NBPF26: variants seen among roughly 807,000 people sequenced by gnomAD.
NBPF26 encodes the protein NBPF member 26.
In NBPF26, 79 loss-of-function variants were observed where a neutral mutation model predicts 119.6. The observed-to-expected ratio is 0.66, with a 90% CI of 0.55 to 0.80. NBPF26 has a LOEUF of 0.80. NBPF26 is among the 30% of genes least tolerant of loss of function. NBPF26 has a pLI of 0.00. For missense variants in NBPF26, 800 were observed against 1,198.2 expected, an observed-to-expected ratio of 0.67 and a Z score of 4.91; for synonymous variants, 299 against 457.7, an observed-to-expected ratio of 0.65 and a Z score of 4.43.
intron 1 of NBPF26, among the ~76,000 whole-genome samples, chr1:120,752,673 C>T (rs1205334207): frequency 2.1e-5 from 1 of 46,538 alleles, no homozygotes; most frequent in African/African-American, 2.4e-4. Flanking sequence ...CGGGTTCATG[C>T]CATTCTCCTG....
chr1:120,805,591 A>C, exon 5 of NBPF26: 1 of 1,458,710 alleles, frequency 6.9e-7, no homozygotes, highest in Non-Finnish European at 9.3e-7. Context: ...AAACGTCAGC[A>C]TGGTGGTATC....
chr1:120,815,423 A>T lies in NBPF26; in HGVS notation c.2092+380A>T, dbSNP rs1330208240. ...CTTAGTAACTGTCAGAGAGTGAATGACTTGTCCTTCCTGAGTTTCTCTCTC... is the reference window on the plus strand; with the variant it reads ...CTTAGTAACTGTCAGAGAGTGAATGTCTTGTCCTTCCTGAGTTTCTCTCTC... On this transcript the variant is annotated intron_variant, in intron 12 of 29. Coordinates refer to ENST00000620612, the Ensembl canonical transcript of NBPF26. 1.8e-5 allele frequency among the ~76,000 whole-genome samples: 2 copies of T among 111,418 alleles called. 1 individual carries two copies. The highest frequency in any genetic ancestry group is 1.1e-4 in the African/African-American group (2 of 17,728). The allele number at this position is 111,418 out of a possible 152,430, so 73.1% of individuals were successfully genotyped here.
At chr1:120,728,531 C>G (rs1650840143) in intron 1 of NBPF26, among the ~76,000 whole-genome samples, 4 of 117,222 alleles carry the variant, frequency 3.4e-5, no homozygotes, top group Admixed American at 3.3e-4. Context: ...TTCAAAGGCA[C>G]TGCCATCCAC....
At position 120,756,623 on chromosome 1, in the gene NBPF26, G is replaced by C. The variant is rs1237438442; in HGVS notation, c.74-7005G>C. On this transcript the variant is annotated intron_variant, in intron 1 of 29. Transcript: ENST00000620612. The stretch of plus-strand genomic sequence containing the variant: ...ATGCAACAAGTAAAACACATTGAAG[G>C]CTTCTCAGATTACACTGGCTGAAGT... 2.5e-5 allele frequency among the ~76,000 whole-genome samples: 3 copies of C among 117,926 alleles called. 1 individual carries two copies. The East Asian group carries it at 6.3e-4, about 25-fold the overall frequency. 77.4% of individuals were successfully genotyped at this position (117,926 alleles called of 152,430 possible).
chr1:120,733,065 G>A (rs1400608597), intron 1 of NBPF26, among the ~76,000 whole-genome samples: 3 of 59,558 alleles, frequency 5.0e-5, no homozygotes, highest in Non-Finnish European at 8.3e-5. Flanking sequence ...TTTGGTATAC[G>A]TCTTTGGTTT....
At chr1:120,830,219 T>G (rs1194336993) in intron 19 of NBPF26, among the ~76,000 whole-genome samples, 197 bp from the exon 24 acceptor site, 1 of 121,694 alleles carries the variant, frequency 8.2e-6, no homozygotes, top group Non-Finnish European at 1.6e-5. Context: ...TCTCTCTGCC[T>G]CTCCCTGTCT....
intron 15 of NBPF26, among the ~76,000 whole-genome samples, chr1:120,819,232 G>A (rs1223040093): frequency 1.7e-5 from 2 of 120,370 alleles, no homozygotes; most frequent in East Asian, 2.0e-4. Flanking sequence ...CCATTATGTA[G>A]TGGCCTTCTT....
chr1:120,763,776 T>C, intron 2 of NBPF26, 67 bp downstream of exon 2: 1 of 653,364 alleles, frequency 1.5e-6, no homozygotes, highest in Non-Finnish European at 2.7e-6. Context: ...ATTCTACTCC[T>C]CTATTTTTAA....
intron 1 of NBPF26, among the ~76,000 whole-genome samples, chr1:120,755,570 ATTT>A (rs1196827541): frequency 1.2e-5 from 1 of 82,594 alleles, no homozygotes; most frequent in Non-Finnish European, 2.1e-5. Flanking sequence ...AACACTGATG[ATTT>A]TTTTTTGCAA....
chr1:120,840,752 G>C, downstream of NBPF26: 1 of 1,115,918 alleles, frequency 9.0e-7, no homozygotes. Context: ...GTGGCAACCT[G>C]TGCTCAGTCT....
chr1:120,823,003 G>A lies in NBPF26; in HGVS notation c.2588-306G>A, dbSNP rs1345741174. ...TAATATTGAAGTATCTCTCCTATGA[G>A]GTGTTAGAACTATTTGCCTACAATT... On this transcript the variant is annotated intron_variant, in intron 16 of 29. Transcript: ENST00000620612. 3.2e-5 allele frequency among the ~76,000 whole-genome samples: 4 copies of A among 124,824 alleles called. 1 individual carries two copies. Among genetic ancestry groups the A allele is most frequent in the Non-Finnish European group, 6.5e-5 (4 of 61,350 alleles). The allele number at this position is 124,824 out of a possible 152,430, so 81.9% of individuals were successfully genotyped here.
rs1228599850 is a variant in NBPF26 at position 120,759,294 on chromosome 1, G to A, written c.74-4334G>A. 5.5e-5 allele frequency among the ~76,000 whole-genome samples: 2 copies of A among 36,370 alleles called. 1 individual carries two copies. Among genetic ancestry groups the A allele is most frequent in the African/African-American group, 6.4e-4 (2 of 3,112 alleles). 23.9% of individuals were successfully genotyped at this position (36,370 alleles called of 152,430 possible). ...TTTTTTTTTTTTTTTTTTTTTTGGTGGAGTAGAGGAGGGCCTGCACAAACA... is the reference window on the plus strand; with the variant it reads ...TTTTTTTTTTTTTTTTTTTTTTGGTAGAGTAGAGGAGGGCCTGCACAAACA... On this transcript the variant is annotated intron_variant, in intron 1 of 29. Transcript: ENST00000620612.
chr1:120,803,404 C>T (rs1230843326), intron 4 of NBPF26, among the ~76,000 whole-genome samples: 2 of 127,332 alleles, frequency 1.6e-5, no homozygotes, highest in African/African-American at 7.2e-5. Flanking sequence ...AGACCCATGT[C>T]TCATACTTCT....
chr1:120,809,969 G>T (rs1351960211), intron 8 of NBPF26, 86 bp downstream of exon 8: 8 of 1,476,546 alleles, frequency 5.4e-6, no homozygotes, highest in Non-Finnish European at 6.4e-6. Flanking sequence ...TCTATGGTGG[G>T]CCAAAAGCCC....
rs1217437285 is a variant in NBPF26 at position 120,794,185 on chromosome 1, C to A, written c.751+689C>A. Among the ~76,000 whole-genome samples the A allele has an allele frequency of 9.5e-5, 11 of 116,254 alleles. 3 individuals are homozygous for A. Among genetic ancestry groups the A allele is most frequent in the Admixed American group, 5.8e-4 (7 of 12,122 alleles). The allele number at this position is 116,254 out of a possible 152,430, so 76.3% of individuals were successfully genotyped here. ...TACTTTGTTACACTCTTCACTGATA[C>A]AAGTGTTGTAGAGTGCACACACAAC... On this transcript the variant is annotated intron_variant, in intron 4 of 29. Transcript: ENST00000620612.
intron 7 of NBPF26, among the ~76,000 whole-genome samples, 185 bp downstream of exon 7, chr1:120,808,944 G>A (rs1651781027): frequency 1.9e-5 from 2 of 107,138 alleles, no homozygotes; most frequent in South Asian, 5.3e-4. Context: ...GGAGGTCACA[G>A]TATTGCAAGT....
At chr1:120,758,181 G>A in intron 1 of NBPF26, among the ~76,000 whole-genome samples, 1 of 123,784 alleles carries the variant, frequency 8.1e-6, no homozygotes, top group East Asian at 2.0e-4. Context: ...GGAAGTGGTG[G>A]GGAGTAATAC....
At chr1:120,761,264 T>C (rs1253550858) in intron 1 of NBPF26, among the ~76,000 whole-genome samples, 2 of 118,480 alleles carry the variant, frequency 1.7e-5, no homozygotes, top group East Asian at 4.5e-4. Context: ...TTCTGAGTCA[T>C]GGGTGGCTGG....
intron 3 of NBPF26, among the ~76,000 whole-genome samples, chr1:120,790,535 C>CCTTTCTTTCTTTCTTTCTTT (rs1189272610): frequency 3.9e-5 from 3 of 76,628 alleles, no homozygotes; most frequent in African/African-American, 9.6e-5. Flanking sequence ...TTTCTCCCTC[C>CCTTTCTTTCTTTCTTTCTTT]CTTTCTTTCT....
Sources: gnomAD v4.1 joint callset for allele counts (sites outside exome capture counted in the v4.1 genomes callset) on GRCh38, gnomAD v4.1.1 for gene constraint, MANE v1.5 for transcripts, NCBI Gene and HGNC (gene_info 2026-07-23, HGNC 2026-07-21) for gene names.